The following GRID1 variants were observed in gnomAD, a reference collection of about 807,000 sequenced individuals.
The protein encoded by GRID1 is glutamate ionotropic receptor delta type subunit 1, also known as glutamate receptor ionotropic, delta-1.
A neutral mutation model predicts 98.0 loss-of-function variants in GRID1; 28 were observed. That is an observed-to-expected ratio of 0.29 (90% CI 0.21 to 0.39). GRID1 has a LOEUF of 0.39. Ranked by LOEUF, GRID1 falls within the 10% of genes least tolerant of loss-of-function variation. GRID1 has a pLI of 1.00. For synonymous variants in GRID1, 553 were observed against 538.5 expected (o/e 1.03, Z -0.37); for missense variants, 1,111 against 1,340.5 (o/e 0.83, Z 2.67).
At chr10:85,915,522 C>G (rs111209763) in intron 5 of GRID1, among the ~76,000 whole-genome samples, 94 of 150,938 alleles carry the variant, frequency 6.2e-4, no homozygotes, top group Non-Finnish European at 8.7e-4. Context: ...CACACAGACA[C>G]ACATATACAC....
chr10:85,978,377 C>T (rs1477296844), intron 4 of GRID1, among the ~76,000 whole-genome samples: 5 of 152,186 alleles, frequency 3.3e-5, no homozygotes, highest in African/African-American at 9.7e-5. Flanking sequence ...TAGCTTACCA[C>T]AAAGAACATA....
chr10:85,697,213 G>A (rs758932073), intron 12 of GRID1, among the ~76,000 whole-genome samples: 4 of 152,022 alleles, frequency 2.6e-5, no homozygotes, highest in African/African-American at 9.7e-5. Flanking sequence ...GTTTTTAAGA[G>A]AATTAAGTTA....
At chr10:85,945,111 C>G (rs895987137) in intron 4 of GRID1, among the ~76,000 whole-genome samples, 1 of 152,042 alleles carries the variant, frequency 6.6e-6, no homozygotes, top group African/African-American at 2.4e-5. Flanking sequence ...ATCAGCAAAA[C>G]CTTTGAAGCA....
chr10:86,313,414 A>G (rs1265960116), intron 2 of GRID1, among the ~76,000 whole-genome samples: 1 of 152,150 alleles, frequency 6.6e-6, no homozygotes, highest in African/African-American at 2.4e-5. Flanking sequence ...ATGGGTCTGG[A>G]ATTGGAACCC....
chr10:85,762,434 C>G (rs1018037806), intron 8 of GRID1, among the ~76,000 whole-genome samples: 7 of 152,124 alleles, frequency 4.6e-5, no homozygotes, highest in African/African-American at 1.7e-4. Flanking sequence ...GATGGTAAAT[C>G]CAACTGAATT....
chr10:86,236,388 T>C (rs1366640574), intron 2 of GRID1, among the ~76,000 whole-genome samples: 2 of 152,218 alleles, frequency 1.3e-5, no homozygotes, highest in Non-Finnish European at 2.9e-5. Flanking sequence ...CACTTTACCA[T>C]GTTGTAGTAA....
At chr10:86,157,673 GCCA>G (rs989070907) in intron 3 of GRID1, among the ~76,000 whole-genome samples, 10 of 152,174 alleles carry the variant, frequency 6.6e-5, no homozygotes, top group Non-Finnish European at 1.0e-4. Context: ...GAGTTCTTAG[GCCA>G]CCTCTGTGGG....
At chr10:85,698,538 G>A (rs986444875) in intron 12 of GRID1, among the ~76,000 whole-genome samples, 1 of 133,460 alleles carries the variant, frequency 7.5e-6, no homozygotes, top group Admixed American at 6.9e-5. Context: ...TTGTCTGGAT[G>A]TACCAGAGTT....
intron 8 of GRID1, among the ~76,000 whole-genome samples, chr10:85,807,006 G>C (rs1564596345): frequency 1.3e-5 from 2 of 151,840 alleles, no homozygotes; most frequent in Non-Finnish European, 2.9e-5. Flanking sequence ...CAGACAAATA[G>C]TACTGCTTTT....
At chr10:85,987,444 C>A (rs1480988855) in intron 4 of GRID1, among the ~76,000 whole-genome samples, 2 of 94,390 alleles carry the variant, frequency 2.1e-5, no homozygotes, top group African/African-American at 8.4e-5. Flanking sequence ...TACCTGCCCC[C>A]CAGCCTTATC....
At chr10:85,705,365 G>T (rs1322096773) in intron 12 of GRID1, among the ~76,000 whole-genome samples, 1 of 152,144 alleles carries the variant, frequency 6.6e-6, no homozygotes, top group Non-Finnish European at 1.5e-5. Context: ...TGGAAGAAAT[G>T]GATAAATTCC....
intron 2 of GRID1, among the ~76,000 whole-genome samples, chr10:86,212,595 C>T (rs1236814987): frequency 1.3e-5 from 2 of 152,226 alleles, no homozygotes; most frequent in African/African-American, 4.8e-5. Context: ...TCTGCCGCCC[C>T]CAAGGCTGCT....
intron 8 of GRID1, among the ~76,000 whole-genome samples, chr10:85,794,447 T>C (rs1004597974): frequency 6.6e-6 from 1 of 152,220 alleles, no homozygotes; most frequent in South Asian, 2.1e-4. Flanking sequence ...TAAGTGTGTT[T>C]CTAATCATGC....
intron 4 of GRID1, among the ~76,000 whole-genome samples, chr10:86,052,943 A>G (rs1265726590): frequency 6.6e-6 from 1 of 152,252 alleles, no homozygotes; most frequent in Non-Finnish European, 1.5e-5. Context: ...CTTTTTAAAG[A>G]AAATCACTAA....
intron 8 of GRID1, among the ~76,000 whole-genome samples, chr10:85,789,346 T>A (rs539964455): frequency 1.1e-4 from 17 of 152,134 alleles, no homozygotes; most frequent in Admixed American, 4.6e-4. Flanking sequence ...CTGGGGAAGA[T>A]GCCAGAGCAG....
intron 8 of GRID1, among the ~76,000 whole-genome samples, chr10:85,813,473 A>T (rs1219412157): frequency 1.3e-5 from 2 of 151,360 alleles, no homozygotes; most frequent in Non-Finnish European, 3.0e-5. Context: ...AAAAAAAAAA[A>T]AGAACTGTCA....
intron 4 of GRID1, among the ~76,000 whole-genome samples, chr10:85,928,583 C>T (rs1011372695): frequency 6.6e-6 from 1 of 152,238 alleles, no homozygotes; most frequent in Non-Finnish European, 1.5e-5. Context: ...CCTTGCACCA[C>T]GACTGATTCA....
Position 85,737,671 on chromosome 10 carries a change from T to TAAAC in GRID1, c.1234-8058_1234-8057insGTTT, listed in dbSNP as rs1454173614. Among the ~76,000 whole-genome samples, 3 of 123,312 alleles carry TAAAC rather than the reference T, an allele frequency of 2.4e-5. No individual in the cohort carries two copies. The East Asian group carries it at 6.3e-4, about 26-fold the overall frequency. 80.9% of individuals were successfully genotyped at this position (123,312 alleles called of 152,430 possible). Reference sequence around the variant, plus strand: ...ATATATATATATATATATATATATATATAAACATATATGGTTATATATATA... The same window carrying TAAAC: ...ATATATATATATATATATATATATATAAACATAAACATATATGGTTATATATATA... On this transcript the variant is annotated intron_variant, in intron 8 of 15. Coordinates refer to ENST00000327946, the MANE Select transcript of GRID1 (RefSeq NM_017551.3).
chr10:85,750,602 T>C (rs765655651), intron 8 of GRID1, among the ~76,000 whole-genome samples: 15 of 152,300 alleles, frequency 9.8e-5, no homozygotes, highest in South Asian at 8.3e-4. Flanking sequence ...TAAAATGAAA[T>C]ACCTAGCAAT....
Sources: gnomAD v4.1 joint callset for allele counts (sites outside exome capture counted in the v4.1 genomes callset) on GRCh38, gnomAD v4.1.1 for gene constraint, MANE v1.5 for transcripts, NCBI Gene and HGNC (gene_info 2026-07-23, HGNC 2026-07-21) for gene names.